Variants in NFATC1 observed in about 807,000 individuals in gnomAD.
The protein encoded by NFATC1 is nuclear factor of activated T-cells, cytoplasmic 1.
Under a neutral mutation model 76.0 loss-of-function variants are expected in NFATC1, and 22 were observed. The ratio of observed to expected loss-of-function variants is 0.29; its 90% CI spans 0.21 to 0.41. NFATC1 has a LOEUF of 0.41. NFATC1 is among the 10% of genes least tolerant of loss of function. The pLI is 1.00. For missense variants in NFATC1, 1,357 were observed against 1,337.7 expected (o/e 1.01, Z -0.23); for synonymous variants, 704 against 613.1 (o/e 1.15, Z -2.19).
intron 9 of NFATC1, among the ~76,000 whole-genome samples, chr18:79,517,539 AG>A (rs2090413887): frequency 1.3e-5 from 2 of 152,212 alleles, no homozygotes; most frequent in Non-Finnish European, 2.9e-5. Flanking sequence ...CGACAGGAAG[AG>A]GCAATAGGAA....
At chr18:79,405,401 G>A (rs1056251998) in intron 1 of NFATC1, among the ~76,000 whole-genome samples, 4 of 152,248 alleles carry the variant, frequency 2.6e-5, no homozygotes, top group Non-Finnish European at 5.9e-5. Context: ...ATCAGCCCAA[G>A]CGCCTCAGAA....
At chr18:79,441,920 C>T (rs941798276) in intron 3 of NFATC1, among the ~76,000 whole-genome samples, 1 of 152,130 alleles carries the variant, frequency 6.6e-6, no homozygotes, top group Non-Finnish European at 1.5e-5. Context: ...CGGGCAGAAT[C>T]TTCTTCAGCC....
chr18:79,469,263 G>A, intron 8 of NFATC1: 1 of 913,262 alleles, frequency 1.1e-6, no homozygotes, highest in Non-Finnish European at 1.3e-6. Context: ...GAAAACCTAG[G>A]CCTTATAGAG....
In NFATC1 at chr18:79,411,358, G is replaced by A. The variant is rs370647787; in HGVS notation, c.1083G>A (p.Pro361=). The A allele has an allele frequency of 2.3e-5, 37 of 1,588,564 alleles. No homozygotes were observed. The East Asian group carries it at 2.7e-4, about 12-fold the overall frequency. The part of the protein sequence containing the change: ...EPVGEDLGSP[P]PPADFAPEDY... Reference sequence around the variant, plus strand: ...TCGGGGAGGACCTGGGCAGCCCCCCGCCCCCGGCCGACTTCGCGCCCGAAG... The same window carrying A: ...TCGGGGAGGACCTGGGCAGCCCCCCACCCCCGGCCGACTTCGCGCCCGAAG... Residue 361 remains proline, a synonymous_variant, in exon 2 of 10, where the codon CCG becomes CCA. Transcript: ENST00000427363.
chr18:79,444,699 C>A (rs1489504165), intron 3 of NFATC1, among the ~76,000 whole-genome samples: 2 of 151,974 alleles, frequency 1.3e-5, no homozygotes. Context: ...CCCCGCAGAC[C>A]ACACCGGCAC....
chr18:79,476,686 T>G (rs933224262), intron 8 of NFATC1, among the ~76,000 whole-genome samples: 1 of 152,176 alleles, frequency 6.6e-6, no homozygotes, highest in African/African-American at 2.4e-5. Flanking sequence ...GGGAATTCTC[T>G]CACCCCGACC....
chr18:79,470,042 T>C, intron 8 of NFATC1: 1 of 981,832 alleles, frequency 1.0e-6, no homozygotes, highest in Non-Finnish European at 1.2e-6. Flanking sequence ...CCGTCCCGCG[T>C]GCCCGCTGCA....
At chr18:79,442,207 C>T (rs1009566951) in intron 3 of NFATC1, among the ~76,000 whole-genome samples, 9 of 152,224 alleles carry the variant, frequency 5.9e-5, no homozygotes, top group Non-Finnish European at 1.3e-4. Context: ...TCTGGGGCTG[C>T]TCTTCCGGAG....
intron 1 of NFATC1, among the ~76,000 whole-genome samples, chr18:79,398,357 T>C (rs1410231816): frequency 1.3e-5 from 2 of 152,238 alleles, no homozygotes; most frequent in South Asian, 2.1e-4. Context: ...GGCAGGGCGC[T>C]GGCACCCCGC....
intron 9 of NFATC1, among the ~76,000 whole-genome samples, chr18:79,514,476 G>A (rs989248057): frequency 6.9e-6 from 1 of 144,572 alleles, no homozygotes; most frequent in Non-Finnish European, 1.5e-5. Context: ...AGAGGAGAAA[G>A]GATCGCATAA....
chr18:79,479,191 T>TG (rs1473535143), intron 8 of NFATC1, among the ~76,000 whole-genome samples: 2 of 152,270 alleles, frequency 1.3e-5, no homozygotes, highest in African/African-American at 2.4e-5. Flanking sequence ...TTGCTTAGCC[T>TG]GAAAATGAGC....
intron 1 of NFATC1, among the ~76,000 whole-genome samples, chr18:79,398,649 G>A (rs2085081367): frequency 6.6e-6 from 1 of 152,264 alleles, no homozygotes; most frequent in Non-Finnish European, 1.5e-5. Context: ...ATCCCTGCAG[G>A]GCCCGCGGCC....
intron 8 of NFATC1, among the ~76,000 whole-genome samples, chr18:79,473,550 ACCTGAGGGAAG>A (rs2088876051): frequency 6.9e-6 from 1 of 145,220 alleles, no homozygotes; most frequent in African/African-American, 2.6e-5. Context: ...GTCGACGTAA[ACCTGAGGGAAG>A]CGTGTTCTCG....
intron 2 of NFATC1, chr18:79,421,685 C>G (rs2086099206): frequency 1.3e-5 from 2 of 152,380 alleles, no homozygotes; most frequent in Non-Finnish European, 2.9e-5. Context: ...CAGGAGTCAG[C>G]TGCAAGGCGG....
chr18:79,488,636 C>T (rs2145075577), intron 9 of NFATC1, among the ~76,000 whole-genome samples: 1 of 152,368 alleles, frequency 6.6e-6, no homozygotes, highest in East Asian at 1.9e-4. Context: ...GCCCATGTCC[C>T]TGCTCTGCAG....
chr18:79,483,543 C>T lies in NFATC1; in HGVS notation c.2093-2705C>T, dbSNP rs1475483423. On this transcript the variant is annotated intron_variant, in intron 8 of 9. Coordinates refer to ENST00000427363, the MANE Select transcript of NFATC1 (RefSeq NM_001278669.2). ...GTGACCTGGTCCTGGGGTGTCACTC[C>T]GGCGTGACCTGGTCCTGGGGTGTCA... Among the ~76,000 whole-genome samples the T allele has an allele frequency of 4.6e-5, 6 of 130,810 alleles. 1 individual carries two copies. The highest frequency in any genetic ancestry group is 9.3e-5 in the African/African-American group (3 of 32,288). 85.8% of individuals were successfully genotyped at this position (130,810 alleles called of 152,430 possible).
chr18:79,463,235 C>G (rs930894291), intron 7 of NFATC1, among the ~76,000 whole-genome samples: 8 of 152,240 alleles, frequency 5.3e-5, no homozygotes, highest in African/African-American at 1.9e-4. Context: ...CAGTTCAATG[C>G]TGTCGCTTTT....
Position 79,495,574 on chromosome 18 carries a change from G to C in NFATC1, c.2782+8637G>C, listed in dbSNP as rs141250655. Reference sequence around the variant, plus strand: ...GGAAGGAAGCAAGAGGGAAGAGCTGGAGAGATTTCACAGAGCTTGGGCAAT... The same window carrying C: ...GGAAGGAAGCAAGAGGGAAGAGCTGCAGAGATTTCACAGAGCTTGGGCAAT... On this transcript the variant is annotated intron_variant, in intron 9 of 9. Transcript: ENST00000427363. 1.3e-3 allele frequency among the ~76,000 whole-genome samples: 192 copies of C among 152,348 alleles called. 2 individuals carry two copies. The highest frequency in any genetic ancestry group is 6.8e-3 in the Middle Eastern group (2 of 294).
intron 7 of NFATC1, among the ~76,000 whole-genome samples, chr18:79,464,698 A>ATATATATATT (rs1329123171): frequency 1.1e-5 from 1 of 94,878 alleles, no homozygotes; most frequent in African/African-American, 5.5e-5. Flanking sequence ...ATATATATTT[A>ATATATATATT]TTTATTTATT....
Sources: allele counts gnomAD v4.1 joint callset (sites outside exome capture counted in the v4.1 genomes callset), GRCh38; gene constraint gnomAD v4.1.1; transcripts MANE v1.5; gene names NCBI Gene and HGNC (gene_info 2026-07-23, HGNC 2026-07-21).